PDE8B: variants seen among roughly 807,000 people sequenced by gnomAD.
PDE8B encodes the protein phosphodiesterase 8B.
Under a neutral mutation model 101.3 loss-of-function variants are expected in PDE8B, and 26 were observed. The observed-to-expected ratio is 0.26, with a 90% confidence interval of 0.19 to 0.36. The LOEUF (loss-of-function observed/expected upper bound fraction) is 0.36, where lower values mean the gene tolerates loss of function less well. PDE8B is among the 10% of genes least tolerant of loss of function. The pLI is 1.00. For synonymous variants in PDE8B, 424 were observed against 429.3 expected, an observed-to-expected ratio of 0.99 and a Z score of 0.15; for missense variants, 810 against 1,163.1, an observed-to-expected ratio of 0.70 and a Z score of 4.42.
At position 77,284,037 on chromosome 5, in the gene PDE8B, C is replaced by G. The variant is rs149734734; in HGVS notation, c.340-27957C>G. Among the ~76,000 whole-genome samples, 233 of 152,222 alleles carry G rather than the reference C, an allele frequency of 1.5e-3. 3 individuals are homozygous for G. Among genetic ancestry groups the G allele is most frequent in the African/African-American group, 5.2e-3 (218 of 41,566 alleles). ...ATTTTTCCATTATAATAGGTGTATA[C>G]TGGTATTTCATTGTTGTTTTAATTT... On this transcript the variant is annotated intron_variant, in intron 1 of 21. Coordinates refer to ENST00000264917, the MANE Select transcript of PDE8B (RefSeq NM_003719.5).
chr5:77,254,949 T>A (rs1023963932), intron 1 of PDE8B, among the ~76,000 whole-genome samples: 1 of 152,222 alleles, frequency 6.6e-6, no homozygotes. Flanking sequence ...CTTCTGATTT[T>A]ATGAGTCTCT....
intron 2 of PDE8B, among the ~76,000 whole-genome samples, chr5:77,321,099 C>A (rs1442823019): frequency 3.3e-5 from 5 of 149,938 alleles, no homozygotes; most frequent in Non-Finnish European, 4.4e-5. Context: ...CATCTCTGAG[C>A]CGTTTGACAT....
chr5:77,202,325 G>C, the PDE8B span, among the ~76,000 whole-genome samples: 43 of 152,192 alleles, frequency 2.8e-4, no homozygotes, highest in Middle Eastern at 3.4e-3. Flanking sequence ...GAACTGTGTG[G>C]GTTCACTTTC....
At chr5:77,299,635 G>C (rs1769457928) in intron 1 of PDE8B, among the ~76,000 whole-genome samples, 1 of 151,878 alleles carries the variant, frequency 6.6e-6, no homozygotes, top group South Asian at 2.1e-4. Flanking sequence ...GTATTCCATG[G>C]TGTATATATG....
At chr5:77,126,908 G>T in the PDE8B span, among the ~76,000 whole-genome samples, 8 of 152,104 alleles carry the variant, frequency 5.3e-5, no homozygotes, top group African/African-American at 1.9e-4. Flanking sequence ...TCCAGTCCAG[G>T]CAAGTTGCAG....
At chr5:77,318,067 A>AAAC (rs1774190405) in intron 2 of PDE8B, among the ~76,000 whole-genome samples, 1 of 149,960 alleles carries the variant, frequency 6.7e-6, no homozygotes, top group African/African-American at 2.5e-5. Context: ...AAAAAAAAAA[A>AAAC]AAAAAAAAAA....
chr5:77,209,209 G>GA (rs1463802897), upstream of PDE8B, among the ~76,000 whole-genome samples: 1 of 152,128 alleles, frequency 6.6e-6, no homozygotes, highest in Non-Finnish European at 1.5e-5. Flanking sequence ...ACTGAGAAGA[G>GA]AAGCAAAGGT....
chr5:77,203,198 C>T, the PDE8B span, among the ~76,000 whole-genome samples: 3 of 152,202 alleles, frequency 2.0e-5, no homozygotes, highest in African/African-American at 7.2e-5. Context: ...GTTCCCACCT[C>T]TAGGCCTTAA....
chr5:77,420,110 A>G (rs955951823), intron 19 of PDE8B, among the ~76,000 whole-genome samples: 12 of 152,226 alleles, frequency 7.9e-5, no homozygotes, highest in African/African-American at 2.9e-4. Flanking sequence ...AGAAAAAGCC[A>G]GTACTGACCA....
At chr5:77,135,203 G>A in the PDE8B span, among the ~76,000 whole-genome samples, 1 of 152,140 alleles carries the variant, frequency 6.6e-6, no homozygotes, top group Non-Finnish European at 1.5e-5. Flanking sequence ...GCTTTTCCTA[G>A]GCAGGACTTT....
intron 13 of PDE8B, 63 bp from the exon 14 acceptor site, chr5:77,408,830 T>C: frequency 7.8e-7 from 1 of 1,287,592 alleles, no homozygotes; most frequent in Non-Finnish European, 1.1e-6. Flanking sequence ...TCTGGGCATA[T>C]ATATGACTTT....
At chr5:77,364,273 C>T (rs1463612523) in intron 10 of PDE8B, among the ~76,000 whole-genome samples, 2 of 152,182 alleles carry the variant, frequency 1.3e-5, no homozygotes, top group African/African-American at 4.8e-5. Context: ...AGGTATGCAG[C>T]CAACTGCACC....
the PDE8B span, among the ~76,000 whole-genome samples, chr5:77,123,222 G>A: frequency 6.6e-6 from 1 of 152,052 alleles, no homozygotes; most frequent in South Asian, 2.1e-4. Context: ...TCCCGAGGTG[G>A]TGTAGGGCAT....
intron 17 of PDE8B, among the ~76,000 whole-genome samples, chr5:77,414,523 C>T (rs902025199): frequency 2.6e-5 from 4 of 152,038 alleles, no homozygotes; most frequent in Admixed American, 6.6e-5. Flanking sequence ...CAGGTTCCAA[C>T]AGTTCTCCTG....
intron 15 of PDE8B, 71 bp from the exon 16 acceptor site, chr5:77,412,025 GAAGA>G: frequency 6.8e-7 from 1 of 1,467,662 alleles, no homozygotes; most frequent in Non-Finnish European, 9.5e-7. Flanking sequence ...TAGTAACTAT[GAAGA>G]TGATGACAGA....
At chr5:77,140,431 T>A in the PDE8B span, 1 of 152,086 alleles carries the variant, frequency 6.6e-6, no homozygotes, top group Non-Finnish European at 1.5e-5. Flanking sequence ...AATCCCCAGA[T>A]CTCCAGGGCC....
intron 1 of PDE8B, among the ~76,000 whole-genome samples, chr5:77,271,002 G>A (rs1762665077): frequency 6.6e-6 from 1 of 152,106 alleles, no homozygotes; most frequent in South Asian, 2.1e-4. Context: ...CCCATTTATG[G>A]AATCCATGCA....
the PDE8B span, among the ~76,000 whole-genome samples, chr5:77,173,621 T>G: frequency 1.3e-5 from 2 of 151,154 alleles, no homozygotes; most frequent in African/African-American, 4.9e-5. Flanking sequence ...TTATCTATAT[T>G]GCCCTCTTTT....
At chr5:77,291,190 T>C (rs1767244332) in intron 1 of PDE8B, 1 of 1,610,756 alleles carries the variant, frequency 6.2e-7, no homozygotes, top group African/African-American at 1.3e-5. Flanking sequence ...GCGAGGCGAC[T>C]GTTTGTACAT....
Sources: gnomAD v4.1 joint callset for allele counts (sites outside exome capture counted in the v4.1 genomes callset) on GRCh38, gnomAD v4.1.1 for gene constraint, MANE v1.5 for transcripts, NCBI Gene and HGNC (gene_info 2026-07-23, HGNC 2026-07-21) for gene names.